CHFR: variants seen among roughly 807,000 people sequenced by gnomAD.
CHFR encodes the protein E3 ubiquitin-protein ligase CHFR.
In CHFR, 57 loss-of-function variants were observed where a neutral mutation model predicts 87.6. That is an observed-to-expected ratio of 0.65 (90% CI 0.53 to 0.81). CHFR has a LOEUF of 0.81. CHFR is among the 30% of genes least tolerant of loss of function. The pLI is 0.00. For synonymous variants in CHFR, 381 were observed against 359.2 expected, an observed-to-expected ratio of 1.06 and a Z score of -0.69; for missense variants, 797 against 865.8, an observed-to-expected ratio of 0.92 and a Z score of 1.00.
At chr12:132,862,242 T>C in intron 6 of CHFR, 1 of 240,084 alleles carries the variant, frequency 4.2e-6, no homozygotes, top group Non-Finnish European at 8.4e-6. Flanking sequence ...GCCACTGCAC[T>C]CCAGCCTGGG....
chr12:132,843,654 C>G (rs1200017053), intron 16 of CHFR, among the ~76,000 whole-genome samples: 1 of 151,892 alleles, frequency 6.6e-6, no homozygotes, highest in South Asian at 2.1e-4. Context: ...GAGCAAAGTG[C>G]AAACAGGGTG....
chr12:132,853,319 G>A (rs1950987384), intron 11 of CHFR, 112 bp downstream of exon 11: 2 of 1,178,714 alleles, frequency 1.7e-6, no homozygotes, highest in Non-Finnish European at 1.1e-6. Flanking sequence ...CCCAAAGGGG[G>A]CGAGCAGTGC....
chr12:132,859,271 T>TA, intron 7 of CHFR, 44 bp from the exon 8 acceptor site: 1 of 1,568,242 alleles, frequency 6.4e-7, no homozygotes, highest in South Asian at 1.2e-5. Context: ...AAGAAGGAAA[T>TA]ACACGCAGGT....
At chr12:132,857,690 T>A in intron 8 of CHFR, 131 bp from the exon 9 acceptor site, 1 of 806,526 alleles carries the variant, frequency 1.2e-6, no homozygotes, top group Non-Finnish European at 1.9e-6. Context: ...AAAAACCCTT[T>A]AAGTCAGTCT....
rs767325947 is a variant in CHFR at position 132,853,419 on chromosome 12, G to A, written c.1372+12C>T. 20 of 1,510,676 alleles carry A rather than the reference G, an allele frequency of 1.3e-5. 1 individual carries two copies. The highest frequency in any genetic ancestry group is 1.9e-4 in the Middle Eastern group (1 of 5,328). 93.6% of individuals were successfully genotyped at this position (1,510,676 alleles called of 1,614,324 possible). A position where few individuals can be genotyped will look rare whatever the true frequency, so the allele number is the denominator to read the frequency against. ...CACGCGAAGGCTGAGGCCTGAGGGC[G>A]GCGCGGCTCACCTGTCGTCAGGCTG... On this transcript the variant is annotated intron_variant, in intron 11 of 17. Transcript: ENST00000450056.
chr12:132,835,848 C>G lies in CHFR; in HGVS notation c.*5706G>C, dbSNP rs573131732. ...AGTGCCAGGCTCCCAGCACAGCGCA[C>G]GGCCCTCACAGTGATAGGCTCCCAG... On this transcript the variant is annotated 3_prime_UTR_variant, in exon 18 of 18. Coordinates refer to ENST00000450056, the MANE Select transcript of CHFR (RefSeq NM_001161346.2). 176 of 327,810 alleles carry G rather than the reference C, an allele frequency of 5.4e-4. No homozygotes were observed. The highest frequency in any genetic ancestry group is 1.1e-3 in the Middle Eastern group (1 of 894). 20.3% of individuals were successfully genotyped at this position (327,810 alleles called of 1,614,324 possible).
In CHFR at chr12:132,887,318, G is replaced by A; in HGVS notation, c.11C>T (p.Pro4Leu). The A allele has an allele frequency of 1.4e-6, 2 of 1,473,010 alleles. No individual in the cohort carries two copies. Among genetic ancestry groups the A allele is most frequent in the Non-Finnish European group, 1.8e-6 (2 of 1,118,656 alleles). 91.2% of individuals were successfully genotyped at this position (1,473,010 alleles called of 1,614,324 possible). ...CGGCGGCGACTGCTTGCCTTCCTCG[G>A]GCCGCTCCATCGGGATTCACATCTG... is the stretch of plus-strand genomic sequence containing the variant. MER[P>L]EEGKQSPPPQ... The change falls in exon 2 of 18, where the codon CCC becomes CTC. Residue 4 changes from proline to leucine, a missense_variant. Physicochemically the swap from Pro to Leu is moderately conservative, Grantham distance 98. Coordinates refer to ENST00000450056, the MANE Select transcript of CHFR (RefSeq NM_001161346.2).
chr12:132,854,007 T>G, intron 10 of CHFR: 1 of 161,482 alleles, frequency 6.2e-6, no homozygotes, highest in Non-Finnish European at 1.3e-5. Flanking sequence ...CACTTGTCTT[T>G]TCCACACTTC....
chr12:132,853,588 A>G lies in CHFR; in HGVS notation c.1230-15T>C. The G allele has an allele frequency of 1.3e-6, 2 of 1,522,118 alleles. No homozygotes were observed. The highest frequency in any genetic ancestry group is 1.8e-6 in the Non-Finnish European group (2 of 1,139,388). The allele number at this position is 1,522,118 out of a possible 1,614,324, so 94.3% of individuals were successfully genotyped here. On this transcript the variant is annotated splice_polypyrimidine_tract_variant and intron_variant, in intron 10 of 17. Transcript: ENST00000450056. ...CGTATGGCTGGCTGCAAGGAAGCAC[A>G]GGGCCGAGCTGTGTGCAGGCCCCAA...
In CHFR at chr12:132,834,644, C is replaced by T. The variant is rs1054325575; in HGVS notation, c.*6910G>A. On this transcript the variant is annotated 3_prime_UTR_variant, in exon 18 of 18. Transcript: ENST00000450056. ...TGGCTGGAGGCCCTTGCTCCCTCTG[C>T]AAAGCACATCCCTCCCACCTCTTCT... 2.0e-5 allele frequency: 3 copies of T among 151,994 alleles called. No homozygotes were observed. The highest frequency in any genetic ancestry group is 1.5e-5 in the Non-Finnish European group (1 of 68,086). The allele number at this position is 151,994 out of a possible 1,614,324, so 9.4% of individuals were successfully genotyped here.
intron 3 of CHFR, among the ~76,000 whole-genome samples, chr12:132,876,951 C>T (rs555647601): frequency 2.0e-5 from 3 of 152,092 alleles, no homozygotes; most frequent in East Asian, 1.9e-4. Flanking sequence ...CATGCCACAA[C>T]GCCCGGCTAA....
At position 132,838,311 on chromosome 12, in the gene CHFR, T is replaced by C. The variant is rs558331174; in HGVS notation, c.*3243A>G. The C allele has an allele frequency of 6.6e-6, 1 of 152,424 alleles. No homozygotes were observed. The highest frequency in any genetic ancestry group is 2.4e-5 in the African/African-American group (1 of 41,578). 9.4% of individuals were successfully genotyped at this position (152,424 alleles called of 1,614,324 possible). A position where few individuals can be genotyped will look rare whatever the true frequency, so the allele number is the denominator to read the frequency against. ...TTGTAGCTGGCCTAGGGAGGAGGGTTGGCCTGAATCCCTCAGTCTGTTTTA... is the reference window on the plus strand; with the variant it reads ...TTGTAGCTGGCCTAGGGAGGAGGGTCGGCCTGAATCCCTCAGTCTGTTTTA... On this transcript the variant is annotated 3_prime_UTR_variant, in exon 18 of 18. Coordinates refer to ENST00000450056, the MANE Select transcript of CHFR (RefSeq NM_001161346.2).
At chr12:132,843,135 T>G in intron 16 of CHFR, 52 bp from the exon 17 acceptor site, 1 of 1,522,848 alleles carries the variant, frequency 6.6e-7, no homozygotes. Flanking sequence ...ACGCACCCAC[T>G]CAGCTACCTG....
chr12:132,841,078 G>C lies in CHFR; in HGVS notation c.*476C>G, dbSNP rs1950696680. ...ACCAAACCTATTAAAATAAAAAATA[G>C]ATAAAATGCTGTGGTTTTCCCAGCA... On this transcript the variant is annotated 3_prime_UTR_variant, in exon 18 of 18. Transcript: ENST00000450056. The C allele has an allele frequency of 6.5e-6, 1 of 153,824 alleles. No individual in the cohort carries two copies. The highest frequency in any genetic ancestry group is 1.5e-5 in the Non-Finnish European group (1 of 68,930). 9.5% of individuals were successfully genotyped at this position (153,824 alleles called of 1,614,324 possible).
At chr12:132,866,536 C>G (rs946608278) in intron 6 of CHFR, 1 of 151,604 alleles carries the variant, frequency 6.6e-6, no homozygotes, top group East Asian at 1.9e-4. Context: ...TACAACACAC[C>G]GGATGTTACA....
chr12:132,870,209 G>A (rs999702713), intron 5 of CHFR, among the ~76,000 whole-genome samples: 1 of 152,126 alleles, frequency 6.6e-6, no homozygotes, highest in Non-Finnish European at 1.5e-5. Context: ...AAAATTAGCT[G>A]GGCATGGTAG....
chr12:132,847,817 A>C, intron 14 of CHFR: 1 of 1,307,754 alleles, frequency 7.6e-7, no homozygotes, highest in Non-Finnish European at 9.8e-7. Flanking sequence ...GCTGCCGGGA[A>C]CAAGAGCTGC....
intron 2 of CHFR, among the ~76,000 whole-genome samples, chr12:132,884,745 A>G (rs1161699601): frequency 6.6e-6 from 1 of 152,144 alleles, no homozygotes; most frequent in Non-Finnish European, 1.5e-5. Context: ...CCAGGAACCC[A>G]ATCTGCCAAC....
In CHFR at chr12:132,847,067, G is replaced by A; in HGVS notation, c.1711C>T (p.Gln571Ter). Residue 571 changes from glutamine (Q) to a stop codon, truncating the protein, a stop_gained, in exon 15 of 18, where the codon CAG (glutamine) becomes TAG (stop). Transcript: ENST00000450056. LOFTEE classifies it high-confidence loss of function. Reference sequence around the variant, plus strand: ...CCAGACAGCAGAAACACTCCCCGCTGGAGAGCCACGAGGCTCTCGGTCAAC... The same window carrying A: ...CCAGACAGCAGAAACACTCCCCGCTAGAGAGCCACGAGGCTCTCGGTCAAC... The part of the protein sequence containing the change: ...NMLTESLVAL[Q>*]RGVFLLSDYR... 1 of 1,612,978 alleles carries A rather than the reference G, an allele frequency of 6.2e-7. No homozygotes were observed. The highest frequency in any genetic ancestry group is 1.3e-5 in the African/African-American group (1 of 75,010).
Sources: gnomAD v4.1 joint callset for allele counts (sites outside exome capture counted in the v4.1 genomes callset) on GRCh38, gnomAD v4.1.1 for gene constraint, MANE v1.5 for transcripts, NCBI Gene and HGNC (gene_info 2026-07-23, HGNC 2026-07-21) for gene names.